FAM184B: variants seen among roughly 807,000 people sequenced by gnomAD.
The protein encoded by FAM184B is protein FAM184B.
FAM184B carries 111 observed loss-of-function variants against 135.9 expected under a neutral mutation model. That is an observed-to-expected ratio of 0.82 (90% CI 0.70 to 0.96). FAM184B has a LOEUF of 0.96. Among genes scored for constraint, FAM184B ranks in the 40% least tolerant of loss-of-function variants. The pLI is 0.00. For missense variants in FAM184B, 1,375 were observed against 1,323.9 expected, an observed-to-expected ratio of 1.04 and a Z score of -0.60; for synonymous variants, 552 against 524.8, an observed-to-expected ratio of 1.05 and a Z score of -0.71.
At chr4:17,716,409 T>G (rs1267536260) in intron 1 of FAM184B, among the ~76,000 whole-genome samples, 1 of 151,984 alleles carries the variant, frequency 6.6e-6, no homozygotes, top group Non-Finnish European at 1.5e-5. Context: ...GTGGTGTTAT[T>G]ATGGCTCACT....
chr4:17,695,164 T>G (rs201088752), intron 5 of FAM184B, among the ~76,000 whole-genome samples: 2 of 125,768 alleles, frequency 1.6e-5, no homozygotes, highest in South Asian at 5.0e-4. Flanking sequence ...TCTTTGTTGT[T>G]TTTTTTTTTT....
chr4:17,758,060 T>A (rs1213492485), intron 1 of FAM184B, among the ~76,000 whole-genome samples: 1 of 152,134 alleles, frequency 6.6e-6, no homozygotes, highest in Non-Finnish European at 1.5e-5. Context: ...ACTAATACTA[T>A]ATTCTCACCA....
chr4:17,641,879 C>T (rs1715327952), intron 13 of FAM184B, among the ~76,000 whole-genome samples, 177 bp downstream of exon 13: 1 of 151,860 alleles, frequency 6.6e-6, no homozygotes, highest in Non-Finnish European at 1.5e-5. Context: ...TTTCATGGGT[C>T]AGAGGAGTAA....
At position 17,742,180 on chromosome 4, in the gene FAM184B, T is replaced by TTA. The variant is rs1718062992; in HGVS notation, c.142-32537_142-32536insTA. 5.6e-5 allele frequency among the ~76,000 whole-genome samples: 8 copies of TTA among 143,756 alleles called. No individual in the cohort carries two copies. In the South Asian group the frequency reaches 6.6e-4, roughly 12 times the overall value. The allele number at this position is 143,756 out of a possible 152,430, so 94.3% of individuals were successfully genotyped here. A position where few individuals can be genotyped will look rare whatever the true frequency, so the allele number is the denominator to read the frequency against. On this transcript the variant is annotated intron_variant, in intron 1 of 17. Coordinates refer to ENST00000265018, the MANE Select transcript of FAM184B (RefSeq NM_015688.2). Reference sequence around the variant, plus strand: ...TATATATATATATATTTTTTTTTTTTAAAGAGGCTGGCCAAGGTGGTTCAT... The same window carrying TTA: ...TATATATATATATATTTTTTTTTTTTTAAAAGAGGCTGGCCAAGGTGGTTCAT...
chr4:17,754,715 T>C lies in FAM184B; in HGVS notation c.141+26444A>G, dbSNP rs1215812078. 4.6e-5 allele frequency among the ~76,000 whole-genome samples: 7 copies of C among 152,216 alleles called. No individual in the cohort carries two copies. In the East Asian group the frequency reaches 9.6e-4, roughly 21 times the overall value. ...AGCCCCTAGATACATGTGAAACCATTTTCAATAATCACATCATTGTTGGTA... is the reference window on the plus strand; with the variant it reads ...AGCCCCTAGATACATGTGAAACCATCTTCAATAATCACATCATTGTTGGTA... On this transcript the variant is annotated intron_variant, in intron 1 of 17. Coordinates refer to ENST00000265018, the MANE Select transcript of FAM184B (RefSeq NM_015688.2).
intron 7 of FAM184B, among the ~76,000 whole-genome samples, chr4:17,675,852 GA>G (rs1363963993): frequency 2.0e-5 from 3 of 152,148 alleles, no homozygotes; most frequent in African/African-American, 7.2e-5. Context: ...TCATAGAATT[GA>G]AGAGAATTAG....
intron 1 of FAM184B, among the ~76,000 whole-genome samples, chr4:17,770,466 TG>T (rs1560197944): frequency 5.9e-5 from 9 of 151,970 alleles, no homozygotes; most frequent in South Asian, 2.1e-4. Flanking sequence ...TTGTTGTTGT[TG>T]TTGTTGTTTT....
chr4:17,700,903 A>C (rs183369392), intron 5 of FAM184B, among the ~76,000 whole-genome samples: 80 of 152,312 alleles, frequency 5.3e-4, no homozygotes, highest in African/African-American at 1.7e-3. Context: ...TTATTTTGGA[A>C]ATTGATAGAA....
At position 17,708,663 on chromosome 4, in the gene FAM184B, C is replaced by CTATATATATATATATATA. The variant is rs60087211; in HGVS notation, c.894+211_894+228dup. On this transcript the variant is annotated intron_variant, in intron 2 of 17. Coordinates refer to ENST00000265018, the MANE Select transcript of FAM184B (RefSeq NM_015688.2). The stretch of plus-strand genomic sequence containing the variant: ...CCGTCTCAAAAATAAGGAAACAAAA[C>CTATATATATATATATATA]TATATATATATATATATATATATAT... Among the ~76,000 whole-genome samples the CTATATATATATATATATA allele has an allele frequency of 6.5e-4, 11 of 16,988 alleles. 1 individual carries two copies. The highest frequency in any genetic ancestry group is 2.9e-3 in the South Asian group (1 of 342). The allele number at this position is 16,988 out of a possible 152,430, so 11.1% of individuals were successfully genotyped here. A position where few individuals can be genotyped will look rare whatever the true frequency, so the allele number is the denominator to read the frequency against.
At chr4:17,739,114 G>A (rs1474629441) in intron 1 of FAM184B, among the ~76,000 whole-genome samples, 2 of 152,208 alleles carry the variant, frequency 1.3e-5, no homozygotes, top group Non-Finnish European at 2.9e-5. Flanking sequence ...TCCTCTGAAT[G>A]AAGATAGCAG....
At chr4:17,637,486 T>G (rs191571531) in intron 14 of FAM184B, among the ~76,000 whole-genome samples, 180 of 152,318 alleles carry the variant, frequency 1.2e-3, no homozygotes, top group Non-Finnish European at 1.8e-3. Flanking sequence ...TCTAGATATG[T>G]GACCTTGGGC....
intron 1 of FAM184B, among the ~76,000 whole-genome samples, chr4:17,771,620 G>C (rs1221372929): frequency 4.6e-5 from 7 of 152,118 alleles, no homozygotes; most frequent in Admixed American, 3.3e-4. Context: ...GGAGCCAGTG[G>C]GTGCCATAAG....
chr4:17,744,490 C>CCACA (rs1553841921), intron 1 of FAM184B, among the ~76,000 whole-genome samples: 6 of 137,394 alleles, frequency 4.4e-5, no homozygotes, highest in African/African-American at 1.7e-4. Context: ...CACACACACA[C>CCACA]CACACACACA....
rs1400443277 is a variant in FAM184B at position 17,729,493 on chromosome 4, C to T, written c.142-19849G>A. 2.6e-5 allele frequency among the ~76,000 whole-genome samples: 4 copies of T among 152,324 alleles called. No individual in the cohort carries two copies. The South Asian group carries it at 8.3e-4, about 32-fold the overall frequency. The stretch of plus-strand genomic sequence containing the variant: ...CCCCGAGCAGCCTAACTGGGAGGCA[C>T]CCCCCAGTAGGGGCAGAATGACACC... On this transcript the variant is annotated intron_variant, in intron 1 of 17. Transcript: ENST00000265018.
chr4:17,644,481 A>AAACCAC (rs1715410225), intron 12 of FAM184B, among the ~76,000 whole-genome samples: 1 of 152,216 alleles, frequency 6.6e-6, no homozygotes, highest in South Asian at 2.1e-4. Context: ...CCAACGACAA[A>AAACCAC]AACCACATGA....
At chr4:17,673,613 A>G (rs1246248711) in intron 7 of FAM184B, among the ~76,000 whole-genome samples, 1 of 152,190 alleles carries the variant, frequency 6.6e-6, no homozygotes, top group Non-Finnish European at 1.5e-5. Flanking sequence ...TGGCATTCAC[A>G]GTGACCTGGA....
chr4:17,756,413 T>A (rs1273757447), intron 1 of FAM184B, among the ~76,000 whole-genome samples: 1 of 152,190 alleles, frequency 6.6e-6, no homozygotes. Context: ...CATTTATATA[T>A]AAATAATTAT....
chr4:17,730,553 T>C (rs765262202), intron 1 of FAM184B, among the ~76,000 whole-genome samples: 35 of 152,154 alleles, frequency 2.3e-4, no homozygotes, highest in Non-Finnish European at 4.0e-4. Context: ...CCCATCAGAC[T>C]AACAGCAGAT....
At chr4:17,743,579 AG>A (rs780458964) in intron 1 of FAM184B, among the ~76,000 whole-genome samples, 10 of 152,170 alleles carry the variant, frequency 6.6e-5, no homozygotes, top group Non-Finnish European at 1.5e-4. Flanking sequence ...TTCAGAAACA[AG>A]AATCGTCTTG....
Sources: gnomAD v4.1 joint callset for allele counts (sites outside exome capture counted in the v4.1 genomes callset) on GRCh38, gnomAD v4.1.1 for gene constraint, MANE v1.5 for transcripts, NCBI Gene and HGNC (gene_info 2026-07-23, HGNC 2026-07-21) for gene names.